STK32A: variants seen among roughly 807,000 people sequenced by gnomAD.
STK32A encodes serine/threonine kinase 32A.
Under a neutral mutation model 53.2 loss-of-function variants are expected in STK32A, and 41 were observed. The observed-to-expected ratio is 0.77, with a 90% CI of 0.60 to 1.00. The LOEUF (loss-of-function observed/expected upper bound fraction) is 1.00. STK32A is among the 50% of genes least tolerant of loss of function. The pLI is 0.00. For missense variants in STK32A, 458 were observed against 485.8 expected (o/e 0.94, Z 0.54); for synonymous variants, 166 against 162.8 (o/e 1.02, Z -0.15).
intron 5 of STK32A, among the ~76,000 whole-genome samples, chr5:147,325,313 TTATATA>T (rs71868616): frequency 4.7e-5 from 7 of 147,536 alleles, no homozygotes; most frequent in Non-Finnish European, 9.0e-5. Flanking sequence ...TTTTAAACCT[TTATATA>T]TATATATATA....
chr5:147,395,864 G>A, the STK32A span: 1 of 1,047,908 alleles, frequency 9.5e-7, no homozygotes, highest in African/African-American at 1.6e-5. Flanking sequence ...GAAGGGAGAA[G>A]TAGTATAAAA....
At chr5:147,312,166 T>A (rs1753731175) in intron 4 of STK32A, among the ~76,000 whole-genome samples, 1 of 152,232 alleles carries the variant, frequency 6.6e-6, no homozygotes, top group Non-Finnish European at 1.5e-5. Flanking sequence ...AATGGCACAA[T>A]CTTGGCTTAC....
chr5:147,292,938 T>G (rs1349713696), intron 4 of STK32A, among the ~76,000 whole-genome samples: 1 of 152,226 alleles, frequency 6.6e-6, no homozygotes, highest in Non-Finnish European at 1.5e-5. Context: ...GATATTGGGT[T>G]AGCAATCTTC....
At chr5:147,286,331 G>A (rs891557850) in intron 4 of STK32A, among the ~76,000 whole-genome samples, 28 of 152,124 alleles carry the variant, frequency 1.8e-4, no homozygotes, top group African/African-American at 6.8e-4. Context: ...AGTGTATACT[G>A]CTCAGGTGAT....
In STK32A at chr5:147,365,737, T is replaced by G. The variant is rs546122881; in HGVS notation, c.660+4123T>G. ...AGCAATTGTGCTCTGCCCTCATCTT[T>G]TATGACACACCTAGCAAAACAGAAG... On this transcript the variant is annotated intron_variant, in intron 8 of 12. Coordinates refer to ENST00000397936, the MANE Select transcript of STK32A (RefSeq NM_001112724.2). Among the ~76,000 whole-genome samples, 3 of 152,256 alleles carry G rather than the reference T, an allele frequency of 2.0e-5. No homozygotes were observed. In the East Asian group the frequency reaches 5.8e-4, roughly 29 times the overall value.
At chr5:147,267,806 G>A (rs997153677) in intron 2 of STK32A, among the ~76,000 whole-genome samples, 2 of 152,118 alleles carry the variant, frequency 1.3e-5, no homozygotes, top group South Asian at 2.1e-4. Context: ...CACTTTAAAT[G>A]CATCCTCCCT....
At chr5:147,258,914 G>T (rs1340397511) in intron 2 of STK32A, among the ~76,000 whole-genome samples, 1 of 151,008 alleles carries the variant, frequency 6.6e-6, no homozygotes, top group African/African-American at 2.5e-5. Context: ...GGTATAGATG[G>T]CTTTTTTTTA....
At chr5:147,294,581 A>G (rs941857733) in intron 4 of STK32A, among the ~76,000 whole-genome samples, 9 of 152,170 alleles carry the variant, frequency 5.9e-5, no homozygotes, top group African/African-American at 2.2e-4. Context: ...CAAATGAAAA[A>G]TTACTGTCAT....
intron 4 of STK32A, among the ~76,000 whole-genome samples, chr5:147,284,708 A>AAAACAAGACAAAACAAAAAAAC (rs1752246052): frequency 7.6e-5 from 5 of 65,874 alleles, no homozygotes; most frequent in African/African-American, 4.0e-4. Flanking sequence ...AAAAAACAAC[A>AAAACAAGACAAAACAAAAAAAC]AAAAAAAAAC....
intron 4 of STK32A, among the ~76,000 whole-genome samples, chr5:147,314,050 T>TA (rs949527669): frequency 2.3e-4 from 34 of 147,284 alleles, no homozygotes; most frequent in Non-Finnish European, 2.9e-4. Context: ...GAACAAGTAC[T>TA]AAAAAAAAAA....
At chr5:147,237,543 C>T (rs1160310708) in intron 1 of STK32A, among the ~76,000 whole-genome samples, 1 of 152,058 alleles carries the variant, frequency 6.6e-6, no homozygotes, top group Non-Finnish European at 1.5e-5. Context: ...GATTTTTTAT[C>T]CTGGAGAAAT....
At chr5:147,266,814 C>T (rs10059845) in intron 2 of STK32A, among the ~76,000 whole-genome samples, 4 of 151,656 alleles carry the variant, frequency 2.6e-5, no homozygotes, top group African/African-American at 7.3e-5. Context: ...CACCTGAGGT[C>T]GGGAGTTCAA....
chr5:147,294,451 G>A (rs1352764238), intron 4 of STK32A, among the ~76,000 whole-genome samples: 2 of 151,800 alleles, frequency 1.3e-5, no homozygotes, highest in African/African-American at 4.8e-5. Flanking sequence ...TAGTACAGAC[G>A]GGGTTTCACC....
At chr5:147,242,571 G>T (rs1753625413) in intron 2 of STK32A, among the ~76,000 whole-genome samples, 1 of 152,134 alleles carries the variant, frequency 6.6e-6, no homozygotes, top group East Asian at 1.9e-4. Flanking sequence ...TTGGGCTGAA[G>T]CCTGAAAGAT....
chr5:147,258,904 G>T (rs138411372), intron 2 of STK32A, among the ~76,000 whole-genome samples: 1 of 151,848 alleles, frequency 6.6e-6, no homozygotes, highest in East Asian at 1.9e-4. Flanking sequence ...ACTCAGAATT[G>T]GTATAGATGG....
intron 4 of STK32A, among the ~76,000 whole-genome samples, chr5:147,290,667 C>T (rs1409301532): frequency 1.3e-5 from 2 of 152,102 alleles, no homozygotes; most frequent in East Asian, 3.9e-4. Flanking sequence ...ATTAGGACAC[C>T]AGATCATCTG....
At chr5:147,242,382 G>A (rs1753619407) in intron 2 of STK32A, among the ~76,000 whole-genome samples, 2 of 152,210 alleles carry the variant, frequency 1.3e-5, no homozygotes, top group African/African-American at 4.8e-5. Flanking sequence ...TGAACCCCAT[G>A]TTCTGATGAT....
At chr5:147,319,224 G>A (rs968645960) in intron 4 of STK32A, among the ~76,000 whole-genome samples, 2 of 148,572 alleles carry the variant, frequency 1.3e-5, no homozygotes, top group African/African-American at 2.5e-5. Flanking sequence ...CTCACTGCAA[G>A]CTCCGCCTCC....
At chr5:147,342,701 T>C in intron 5 of STK32A, 1 of 361,612 alleles carries the variant, frequency 2.8e-6, no homozygotes, top group Non-Finnish European at 5.0e-6. Flanking sequence ...AATATCTACA[T>C]GCTTAGATAC....
Sources: gnomAD v4.1 joint callset for allele counts (sites outside exome capture counted in the v4.1 genomes callset) on GRCh38, gnomAD v4.1.1 for gene constraint, MANE v1.5 for transcripts, NCBI Gene and HGNC (gene_info 2026-07-23, HGNC 2026-07-21) for gene names.